Variants in BCAR1 observed in about 807,000 individuals in gnomAD.
BCAR1 encodes breast cancer anti-estrogen resistance protein 1.
Under a neutral mutation model 67.6 loss-of-function variants are expected in BCAR1, and 30 were observed. The observed-to-expected ratio is 0.44, with a 90% CI of 0.33 to 0.60. The LOEUF is 0.60. Ranked by LOEUF, BCAR1 falls within the 20% of genes least tolerant of loss-of-function variation. The pLI, the probability that BCAR1 is intolerant of heterozygous loss-of-function variation, is 0.02. For synonymous variants in BCAR1, 626 were observed against 556.7 expected, an observed-to-expected ratio of 1.12 and a Z score of -1.75; for missense variants, 1,313 against 1,222.3, an observed-to-expected ratio of 1.07 and a Z score of -1.11.
chr16:75,257,074 AGCTCTGTCCTCGTCCTC>A (rs2151472721), intron 1 of BCAR1, among the ~76,000 whole-genome samples: 1 of 152,240 alleles, frequency 6.6e-6, no homozygotes, highest in South Asian at 2.1e-4. Context: ...CAAAGGGGCA[AGCTCTGTCCTCGTCCTC>A]AGAGAGGAAG....
rs142881777 is a variant in BCAR1, at chr16:75,233,764, G to A, written c.2100+82C>T. The A allele has an allele frequency of 1.5e-3, 2,069 of 1,404,082 alleles. 23 individuals carry two copies. In the African/African-American group the frequency reaches 0.021, roughly 14 times the overall value. The allele number at this position is 1,404,082 out of a possible 1,614,324, so 87.0% of individuals were successfully genotyped here. The stretch of plus-strand genomic sequence containing the variant: ...AGACAACATGAGAAGCTGGGGACCC[G>A]GGGTCGGCCCTGCAGGGCAAGAGCT... On this transcript the variant is annotated intron_variant, in intron 6 of 6. Coordinates refer to ENST00000162330, the MANE Select transcript of BCAR1 (RefSeq NM_014567.5).
Position 75,229,405 on chromosome 16 carries a change from G to C in BCAR1, c.*106C>G. On this transcript the variant is annotated 3_prime_UTR_variant, in exon 7 of 7. Transcript: ENST00000162330. The stretch of plus-strand genomic sequence containing the variant: ...TCCAGGGCACCAGGACCGACGCAGA[G>C]CTGGGGTCCTGTCCCTAAGCCTGTG... 2.1e-6 allele frequency: 3 copies of C among 1,407,304 alleles called. No homozygotes were observed. The highest frequency in any genetic ancestry group is 2.8e-6 in the Non-Finnish European group (3 of 1,073,692). The allele number at this position is 1,407,304 out of a possible 1,614,324, so 87.2% of individuals were successfully genotyped here.
intron 1 of BCAR1, chr16:75,264,592 A>AT: frequency 7.7e-7 from 1 of 1,294,412 alleles, no homozygotes; most frequent in Non-Finnish European, 9.8e-7. Flanking sequence ...GGAAGCCCTC[A>AT]TTTTTTCATC....
chr16:75,254,989 C>CA (rs1395264586), upstream of BCAR1, among the ~76,000 whole-genome samples: 5 of 152,288 alleles, frequency 3.3e-5, no homozygotes, highest in Admixed American at 3.3e-4. Context: ...TTTTCTTGCT[C>CA]AATGCTCACC....
intron 2 of BCAR1, chr16:75,238,793 G>A: frequency 1.0e-6 from 1 of 985,536 alleles, no homozygotes; most frequent in Non-Finnish European, 1.2e-6. Flanking sequence ...TAGATGCAGG[G>A]ACCTGCCAAC....
At chr16:75,255,865 C>G (rs1164765262), upstream of BCAR1, among the ~76,000 whole-genome samples, 3 of 152,074 alleles carry the variant, frequency 2.0e-5, no homozygotes, top group African/African-American at 4.8e-5. Flanking sequence ...GTGGCACATG[C>G]CTGTAATCCC....
chr16:75,234,783 G>A, intron 5 of BCAR1, 106 bp downstream of exon 5: 6 of 1,468,638 alleles, frequency 4.1e-6, no homozygotes, highest in Admixed American at 2.3e-5. Context: ...AGAGGAGGGT[G>A]CAGGGCCTTG....
At position 75,242,493 on chromosome 16, in the gene BCAR1, C is replaced by G; in HGVS notation, c.610G>C (p.Glu204Gln). The G allele has an allele frequency of 6.8e-7, 1 of 1,462,964 alleles. No individual in the cohort carries two copies. The highest frequency in any genetic ancestry group is 9.0e-7 in the Non-Finnish European group (1 of 1,108,240). The allele number at this position is 1,462,964 out of a possible 1,614,324, so 90.6% of individuals were successfully genotyped here. A position where few individuals can be genotyped will look rare whatever the true frequency, so the allele number is the denominator to read the frequency against. ...VPPSMDTRSW[E>Q]GTKPPAKVVV... ...ACCTTTGCCGGGGGCTTCGTGCCCT[C>G]CCAGCTGCGTGTGTCCATGGACGGG... The change falls in exon 2 of 7, where the codon GAG becomes CAG. Residue 204 changes from glutamate (E) to glutamine (Q), a missense_variant. Around this residue, in one of 2 missense-constraint regions of BCAR1, gnomAD observed 1,272 missense variants for 1,137.5 expected, o/e 1.12. Transcript: ENST00000162330.
In BCAR1 at chr16:75,228,963, C is replaced by G. The variant is rs922312830; in HGVS notation, c.*548G>C. 3 of 152,510 alleles carry G rather than the reference C, an allele frequency of 2.0e-5. No individual in the cohort carries two copies. The highest frequency in any genetic ancestry group is 2.0e-4 in the Admixed American group (3 of 15,290). 9.4% of individuals were successfully genotyped at this position (152,510 alleles called of 1,614,324 possible). On this transcript the variant is annotated 3_prime_UTR_variant, in exon 7 of 7. Coordinates refer to ENST00000162330, the MANE Select transcript of BCAR1 (RefSeq NM_014567.5). The stretch of plus-strand genomic sequence containing the variant: ...CGGGAGATGCCACGCATGGCCCTTG[C>G]CCCCGGGTGCCTTCCCCAGAACCGT...
At chr16:75,252,814 G>A (rs1004456274), upstream of BCAR1, among the ~76,000 whole-genome samples, 3 of 152,200 alleles carry the variant, frequency 2.0e-5, no homozygotes, top group Admixed American at 6.5e-5. Context: ...CTGGCCAGAT[G>A]TGCCACCTTG....
intron 1 of BCAR1, chr16:75,249,262 T>A (rs1025521178): frequency 1.3e-5 from 2 of 152,192 alleles, no homozygotes; most frequent in Admixed American, 6.5e-5. Flanking sequence ...AGGCCCAGAA[T>A]AGGGGTAGCC....
At chr16:75,265,990 T>A (rs1316411109) in intron 1 of BCAR1, 4 of 1,043,834 alleles carry the variant, frequency 3.8e-6, no homozygotes, top group Admixed American at 1.1e-4. Flanking sequence ...GTCCGGCCGC[T>A]CCAGCCGCGC....
At chr16:75,257,761 A>G (rs1478563247) in intron 1 of BCAR1, among the ~76,000 whole-genome samples, 1 of 152,168 alleles carries the variant, frequency 6.6e-6, no homozygotes, top group Non-Finnish European at 1.5e-5. Flanking sequence ...CTGGTGGAAA[A>G]GCAATGCTTT....
At chr16:75,253,843 A>C (rs556797263), upstream of BCAR1, among the ~76,000 whole-genome samples, 1 of 152,312 alleles carries the variant, frequency 6.6e-6, no homozygotes, top group South Asian at 2.1e-4. Flanking sequence ...CTCCGCTGTC[A>C]AGGACAGGGA....
chr16:75,243,085 C>T lies in BCAR1; in HGVS notation c.18G>A (p.Val6=), dbSNP rs376077520. 15 of 1,587,056 alleles carry T rather than the reference C, an allele frequency of 9.5e-6. No individual in the cohort carries two copies. In the South Asian group the frequency reaches 1.4e-4, roughly 15 times the overall value. The change falls in exon 2 of 7, where the codon GTG becomes GTA. Residue 6 remains valine, a synonymous_variant. Transcript: ENST00000162330. Reference sequence around the variant, plus strand: ...CATTGTCATAGAGCGCTTTGGCCAGCACGTTCTGGGGAGAGAGGACACAGG... The same window carrying T: ...CATTGTCATAGAGCGCTTTGGCCAGTACGTTCTGGGGAGAGAGGACACAGG... MNHLN[V]LAKALYDNVA... is the part of the protein sequence containing the mutation.
rs1486879139 is a variant in BCAR1 at position 75,235,096 on chromosome 16, G to C, written c.1803C>G (p.Ala601=). The C allele has an allele frequency of 1.2e-6, 2 of 1,612,398 alleles. No individual in the cohort carries two copies. The highest frequency in any genetic ancestry group is 1.1e-5 in the South Asian group (1 of 91,086). The part of the protein sequence containing the change: ...KQLASFLHGN[A]SLLFRRTKAT... ...CCTTGGTCCGTCTGAAGAGCAGTGA[G>C]GCATTGCCGTGCAGGAAGGAGGCCA... The change falls in exon 5 of 7, where the codon GCC becomes GCG. Residue 601 remains alanine, a synonymous_variant. Coordinates refer to ENST00000162330, the MANE Select transcript of BCAR1 (RefSeq NM_014567.5).
intron 1 of BCAR1, among the ~76,000 whole-genome samples, chr16:75,257,558 G>A (rs1229877693): frequency 1.3e-5 from 2 of 152,128 alleles, no homozygotes; most frequent in Admixed American, 6.5e-5. Flanking sequence ...GGGCTCAAAC[G>A]ATCCTCCCAC....
Position 75,236,953 on chromosome 16 carries a change from C to T in BCAR1, c.841G>A (p.Asp281Asn). 6.2e-7 allele frequency: 1 copy of T among 1,611,898 alleles called. No homozygotes were observed. The highest frequency in any genetic ancestry group is 2.2e-5 in the East Asian group (1 of 44,854). ...PMAVKGPNGR[D>N]PLLEVYDVPP... is the part of the protein sequence containing the mutation. ...ACGTCATACACCTCCAGCAACGGGT[C>T]TCGGCCATTGGGACCCTTGACAGCC... The change falls in exon 4 of 7, where the codon GAC becomes AAC. Residue 281 changes from aspartate to asparagine, a missense_variant. Asp to Asn is a conservative substitution (Grantham distance 23). This residue lies in a region of BCAR1 where 1,272 missense variants were observed against 1,137.5 expected (regional missense o/e 1.12). Transcript: ENST00000162330.
At chr16:75,261,700 G>C (rs1410085523) in intron 1 of BCAR1, among the ~76,000 whole-genome samples, 1 of 152,202 alleles carries the variant, frequency 6.6e-6, no homozygotes, top group Admixed American at 6.5e-5. Flanking sequence ...TGCAGGCCAT[G>C]CCCGGGCAGG....
Sources: allele counts gnomAD v4.1 joint callset (sites outside exome capture counted in the v4.1 genomes callset), GRCh38; gene constraint gnomAD v4.1.1; regional missense constraint gnomAD v4.1.1; transcripts MANE v1.5; gene names NCBI Gene and HGNC (gene_info 2026-07-23, HGNC 2026-07-21).